The following SNTG2 variants were observed in gnomAD, a reference collection of about 807,000 sequenced individuals.
SNTG2 encodes gamma-2-syntrophin.
SNTG2 carries 74 observed loss-of-function variants against 70.9 expected under a neutral mutation model. The observed-to-expected ratio is 1.04, with a 90% CI of 0.86 to 1.27. The LOEUF is 1.27. Among genes scored for constraint, SNTG2 ranks in the 50% most tolerant of loss-of-function variants. SNTG2 has a pLI of 0.00. For missense variants in SNTG2, 717 were observed against 690.7 expected (o/e 1.04, Z -0.43); for synonymous variants, 278 against 273.8 (o/e 1.02, Z -0.15).
intron 14 of SNTG2, among the ~76,000 whole-genome samples, chr2:1,271,089 G>A (rs534569254): frequency 6.6e-6 from 1 of 152,082 alleles, no homozygotes; most frequent in Non-Finnish European, 1.5e-5. Flanking sequence ...GCAAGTCCTT[G>A]ACTGCCTTAT....
At chr2:1,246,023 A>G (rs187884025) in intron 11 of SNTG2, among the ~76,000 whole-genome samples, 62 of 152,246 alleles carry the variant, frequency 4.1e-4, no homozygotes, top group African/African-American at 1.5e-3. Flanking sequence ...TACCACATCT[A>G]TGTGGTTCCT....
At chr2:1,060,930 T>G (rs1662778951) in intron 1 of SNTG2, among the ~76,000 whole-genome samples, 3 of 152,116 alleles carry the variant, frequency 2.0e-5, no homozygotes, top group Non-Finnish European at 4.4e-5. Context: ...ATGGTAACAT[T>G]AGGGTGGAGA....
At chr2:982,806 G>C (rs1219105856) in intron 1 of SNTG2, among the ~76,000 whole-genome samples, 1 of 152,152 alleles carries the variant, frequency 6.6e-6, no homozygotes, top group African/African-American at 2.4e-5. Flanking sequence ...TGGTCACTTT[G>C]TAACTGAGCC....
At chr2:1,260,842 A>G (rs1558608492) in intron 13 of SNTG2, among the ~76,000 whole-genome samples, 1 of 151,850 alleles carries the variant, frequency 6.6e-6, no homozygotes, top group Non-Finnish European at 1.5e-5. Context: ...TCATCAACAC[A>G]TTTTCGCTTC....
chr2:1,365,693 C>G (rs1661441067), intron 16 of SNTG2, among the ~76,000 whole-genome samples: 1 of 152,172 alleles, frequency 6.6e-6, no homozygotes, highest in South Asian at 2.1e-4. Flanking sequence ...GTCATCTGTA[C>G]CAAGCTGCCA....
rs549659705 is a variant in SNTG2, at chr2:1,200,726, A to G, written c.592-8377A>G. On this transcript the variant is annotated intron_variant, in intron 8 of 16. Transcript: ENST00000308624. ...TACTGGGCAAAGTATCTGAATAGAA[A>G]ATTCTCAAAAGAAGACATATGGCCT... Among the ~76,000 whole-genome samples, 23 of 152,218 alleles carry G rather than the reference A, an allele frequency of 1.5e-4. No homozygotes were observed. The South Asian group carries it at 4.1e-3, about 27-fold the overall frequency.
Position 1,235,624 on chromosome 2 carries a change from G to C in SNTG2, c.720-2264G>C, listed in dbSNP as rs369754375. Among the ~76,000 whole-genome samples the C allele has an allele frequency of 2.1e-3, 212 of 102,356 alleles. 1 individual carries two copies. The Middle Eastern group carries it at 0.03, about 15-fold the overall frequency. The allele number at this position is 102,356 out of a possible 152,430, so 67.1% of individuals were successfully genotyped here. A position where few individuals can be genotyped will look rare whatever the true frequency, so the allele number is the denominator to read the frequency against. On this transcript the variant is annotated intron_variant, in intron 9 of 16. Transcript: ENST00000308624. ...GCCCTGAGGTCCCTGCAGGCCCCAC[G>C]AGGCACCCCCGATTCATGAGAGGAG... is the stretch of plus-strand genomic sequence containing the variant.
At chr2:962,234 G>A (rs1660373807) in intron 1 of SNTG2, among the ~76,000 whole-genome samples, 1 of 152,052 alleles carries the variant, frequency 6.6e-6, no homozygotes, top group African/African-American at 2.4e-5. Flanking sequence ...CCACTATCCC[G>A]GCTAACTTTT....
At chr2:1,260,725 T>C (rs930302561) in intron 13 of SNTG2, among the ~76,000 whole-genome samples, 4 of 152,276 alleles carry the variant, frequency 2.6e-5, no homozygotes, top group Non-Finnish European at 5.9e-5. Context: ...TATGTTAACA[T>C]GAGCCTCTTG....
At chr2:1,231,846 TGA>T (rs1676272252) in intron 9 of SNTG2, among the ~76,000 whole-genome samples, 1 of 152,132 alleles carries the variant, frequency 6.6e-6, no homozygotes, top group South Asian at 2.1e-4. Context: ...GTGTGCCTAC[TGA>T]GTGCCAGGGC....
chr2:1,163,042 G>A (rs1473765830), intron 6 of SNTG2, among the ~76,000 whole-genome samples: 3 of 152,220 alleles, frequency 2.0e-5, no homozygotes, highest in African/African-American at 7.2e-5. Flanking sequence ...TGACAGGAAG[G>A]CAGTGCTGCA....
intron 1 of SNTG2, among the ~76,000 whole-genome samples, chr2:951,464 C>T (rs914980353): frequency 4.6e-5 from 7 of 152,182 alleles, no homozygotes; most frequent in African/African-American, 1.7e-4. Context: ...CGGAGCGTCC[C>T]CCCTGCAGCC....
At chr2:1,050,494 G>T (rs531660204) in intron 1 of SNTG2, among the ~76,000 whole-genome samples, 108 of 146,914 alleles carry the variant, frequency 7.4e-4, no homozygotes, top group African/African-American at 2.3e-3. Context: ...TTTTTTTTTT[G>T]ACTTTGTATT....
At chr2:971,043 T>G (rs1572177269) in intron 1 of SNTG2, among the ~76,000 whole-genome samples, 1 of 152,226 alleles carries the variant, frequency 6.6e-6, no homozygotes, top group Non-Finnish European at 1.5e-5. Context: ...ACTTTTACAC[T>G]GTTGGTGGGA....
intron 4 of SNTG2, among the ~76,000 whole-genome samples, chr2:1,103,839 T>C (rs879412874): frequency 1.3e-5 from 2 of 152,224 alleles, no homozygotes; most frequent in Non-Finnish European, 2.9e-5. Context: ...TGCTAAGCAC[T>C]GTCCTCTGTG....
rs1207133746 is a variant in SNTG2 at position 1,128,668 on chromosome 2, T to C, written c.326-8954T>C. 2.0e-5 allele frequency among the ~76,000 whole-genome samples: 3 copies of C among 152,068 alleles called. No homozygotes were observed. In the East Asian group the frequency reaches 5.8e-4, roughly 29 times the overall value. On this transcript the variant is annotated intron_variant, in intron 4 of 16. Transcript: ENST00000308624. ...TCCTGTGCCAACTTTCAATATTGTTTATATACTGCCATGATATGGTGGAGG... is the reference window on the plus strand; with the variant it reads ...TCCTGTGCCAACTTTCAATATTGTTCATATACTGCCATGATATGGTGGAGG...
intron 1 of SNTG2, among the ~76,000 whole-genome samples, chr2:968,727 G>C (rs1030130495): frequency 6.6e-6 from 1 of 151,656 alleles, no homozygotes; most frequent in Admixed American, 6.6e-5. Context: ...TTTCTTTTTT[G>C]CTTATTGATC....
intron 14 of SNTG2, among the ~76,000 whole-genome samples, chr2:1,300,893 C>A (rs1253639954): frequency 2.0e-5 from 3 of 152,104 alleles, no homozygotes; most frequent in Non-Finnish European, 4.4e-5. Flanking sequence ...GGATTTTTCG[C>A]CACTGCAGCA....
intron 16 of SNTG2, among the ~76,000 whole-genome samples, chr2:1,347,267 A>C (rs1660341867): frequency 6.6e-6 from 1 of 152,090 alleles, no homozygotes; most frequent in Non-Finnish European, 1.5e-5. Flanking sequence ...GAAGATCAAA[A>C]CTTGAGAGGG....
Sources: allele counts gnomAD v4.1 joint callset (sites outside exome capture counted in the v4.1 genomes callset), GRCh38; gene constraint gnomAD v4.1.1; transcripts MANE v1.5; gene names NCBI Gene and HGNC (gene_info 2026-07-23, HGNC 2026-07-21).